LAMB4: variants seen among roughly 807,000 people sequenced by gnomAD.
LAMB4 encodes the protein laminin subunit beta-4.
Under a neutral mutation model 199.2 loss-of-function variants are expected in LAMB4, and 196 were observed. The ratio of observed to expected loss-of-function variants is 0.98; its 90% confidence interval spans 0.88 to 1.11. The LOEUF (loss-of-function observed/expected upper bound fraction) is 1.11, where lower values mean the gene tolerates loss of function less well. Among genes scored for constraint, LAMB4 ranks in the 50% least tolerant of loss-of-function variants. The pLI is 0.00. For missense variants in LAMB4, 2,080 were observed against 2,171.2 expected (o/e 0.96, Z 0.83); for synonymous variants, 744 against 770.6 (o/e 0.97, Z 0.57).
rs571849613 is a variant in LAMB4 at position 108,124,323 on chromosome 7, A to G, written c.-33-1126T>C. On this transcript the variant is annotated intron_variant, in intron 1 of 33. Transcript: ENST00000388781. ...CTATTGGTTGATGTGTACTTGGTTTATAATATTTTCCTATTATAAATATTT... is the reference window on the plus strand; with the variant it reads ...CTATTGGTTGATGTGTACTTGGTTTGTAATATTTTCCTATTATAAATATTT... Among the ~76,000 whole-genome samples the G allele has an allele frequency of 1.5e-4, 23 of 152,338 alleles. No individual in the cohort carries two copies. In the South Asian group the frequency reaches 2.5e-3, roughly 16 times the overall value.
At chr7:108,038,803 C>G (rs1251055859) in intron 29 of LAMB4, among the ~76,000 whole-genome samples, 1 of 152,204 alleles carries the variant, frequency 6.6e-6, no homozygotes, top group African/African-American at 2.4e-5. Flanking sequence ...CCATTTGTCA[C>G]TCTCCAGCTA....
intron 15 of LAMB4, among the ~76,000 whole-genome samples, chr7:108,079,292 C>T (rs2036833583): frequency 6.6e-6 from 1 of 152,112 alleles, no homozygotes; most frequent in Non-Finnish European, 1.5e-5. Context: ...AAGAAAAGTA[C>T]CAGGAGGGCA....
chr7:108,111,884 G>A lies in LAMB4; in HGVS notation c.255C>T (p.Asn85=). The A allele has an allele frequency of 6.2e-7, 1 of 1,612,278 alleles. No individual in the cohort carries two copies. Among genetic ancestry groups the A allele is most frequent in the Non-Finnish European group, 8.5e-7 (1 of 1,178,954 alleles). ...CAATGACATTCTCAATGGTGTGGCTGTTGGGTTGGTCATACGGATCATATG... is the reference window on the plus strand; with the variant it reads ...CAATGACATTCTCAATGGTGTGGCTATTGGGTTGGTCATACGGATCATATG... ...RFPYDPYDQP[N]SHTIENVIVS... is the part of the protein sequence containing the mutation. The change falls in exon 4 of 34, where the codon AAC becomes AAT. Residue 85 remains asparagine (N), a synonymous_variant. Coordinates refer to ENST00000388781, the MANE Select transcript of LAMB4 (RefSeq NM_007356.3).
chr7:108,116,236 A>AG, intron 2 of LAMB4, 75 bp from the exon 3 acceptor site: 1 of 1,371,862 alleles, frequency 7.3e-7, no homozygotes, highest in Non-Finnish European at 1.0e-6. Flanking sequence ...TGACTGGTTA[A>AG]GGGGGAAAGT....
In LAMB4 at chr7:108,107,759, C is replaced by T. The variant is rs748168711; in HGVS notation, c.463G>A (p.Val155Met). Residue 155 changes from valine to methionine, a missense_variant, in exon 6 of 34, where the codon GTG (valine) becomes ATG (methionine). Transcript: ENST00000388781. ...RSTDYGHNWK[V>M]FKYFAKDCAT... ...CAGTCTTTTGCAAAATATTTGAACA[C>T]TTTCCAGTTGTGTCCATAGTCTGTG... 3 of 1,613,802 alleles carry T rather than the reference C, an allele frequency of 1.9e-6. No individual in the cohort carries two copies. The highest frequency in any genetic ancestry group is 1.7e-6 in the Non-Finnish European group (2 of 1,179,958).
At chr7:108,084,042 C>T (rs2037066220) in intron 14 of LAMB4, among the ~76,000 whole-genome samples, 2 of 152,204 alleles carry the variant, frequency 1.3e-5, no homozygotes, top group African/African-American at 2.4e-5. Context: ...CACTGGGGCA[C>T]ATTTAGTGCT....
downstream of LAMB4, among the ~76,000 whole-genome samples, chr7:108,021,038 G>A (rs570320886): frequency 1.3e-3 from 204 of 152,256 alleles, no homozygotes; most frequent in Non-Finnish European, 2.2e-3. Context: ...CCCAGTGAAA[G>A]CCTCCTGAGT....
chr7:108,102,357 A>G (rs1041865768), intron 10 of LAMB4, among the ~76,000 whole-genome samples: 3 of 152,262 alleles, frequency 2.0e-5, no homozygotes, highest in African/African-American at 7.2e-5. Context: ...AAACATGTCA[A>G]CATATATTGT....
chr7:108,105,846 G>T lies in LAMB4; in HGVS notation c.841C>A (p.Arg281=), dbSNP rs751482652. The T allele has an allele frequency of 1.9e-6, 3 of 1,614,016 alleles. No homozygotes were observed. Among genetic ancestry groups the T allele is most frequent in the East Asian group, 2.2e-5 (1 of 44,894 alleles). ...CCAGGAGGGCTGAAAACATCTCCCCGCATCTTCTGCATAGGGCGACATTCG... is the reference window on the plus strand; with the variant it reads ...CCAGGAGGGCTGAAAACATCTCCCCTCATCTTCTGCATAGGGCGACATTCG... ...ASECRPMQKM[R]GDVFSPPGMV... Residue 281 remains arginine, a synonymous_variant, in exon 8 of 34, where the codon CGG becomes AGG. Transcript: ENST00000388781.
chr7:108,126,731 ATT>A (rs368918537), intron 1 of LAMB4, among the ~76,000 whole-genome samples: 17 of 137,436 alleles, frequency 1.2e-4, no homozygotes, highest in African/African-American at 3.0e-4. Context: ...CGCCCGACTA[ATT>A]TTTTTTTTGT....
chr7:108,063,295 C>G lies in LAMB4; in HGVS notation c.3062-301G>C, dbSNP rs113708117. Among the ~76,000 whole-genome samples, 1,219 of 152,180 alleles carry G rather than the reference C, an allele frequency of 8.0e-3. 16 individuals are homozygous for G. Among genetic ancestry groups the G allele is most frequent in the African/African-American group, 0.028 (1,160 of 41,516 alleles). ...ACCAAAGTTCCATTTATTTAAATGACTTGAAAACAATGGTTTACGTACACA... is the reference window on the plus strand; with the variant it reads ...ACCAAAGTTCCATTTATTTAAATGAGTTGAAAACAATGGTTTACGTACACA... On this transcript the variant is annotated intron_variant, in intron 22 of 33. Transcript: ENST00000388781.
intron 22 of LAMB4, among the ~76,000 whole-genome samples, chr7:108,063,553 A>G (rs1476244838): frequency 6.6e-6 from 1 of 152,234 alleles, no homozygotes; most frequent in Non-Finnish European, 1.5e-5. Flanking sequence ...AACACCAGTG[A>G]GAACATTGTG....
intron 25 of LAMB4, among the ~76,000 whole-genome samples, chr7:108,053,256 C>G (rs1377708794): frequency 6.6e-6 from 1 of 152,190 alleles, no homozygotes; most frequent in East Asian, 1.9e-4. Context: ...AGTTTAGTAG[C>G]TTGCCGAAAG....
At chr7:108,089,417 T>C (rs2037313990) in intron 14 of LAMB4, among the ~76,000 whole-genome samples, 1 of 152,358 alleles carries the variant, frequency 6.6e-6, no homozygotes, top group East Asian at 1.9e-4. Context: ...TGAATTGTTA[T>C]TTATAACTTG....
intron 2 of LAMB4, among the ~76,000 whole-genome samples, chr7:108,122,680 A>G (rs532791778): frequency 6.6e-6 from 1 of 152,296 alleles, no homozygotes; most frequent in South Asian, 2.1e-4. Context: ...ATTAATGTAA[A>G]TTGTTCTCAG....
intron 17 of LAMB4, among the ~76,000 whole-genome samples, chr7:108,076,590 G>A (rs970259044): frequency 6.6e-5 from 10 of 152,072 alleles, no homozygotes; most frequent in South Asian, 2.1e-4. Flanking sequence ...GTGTGCTGTC[G>A]TGGCTCAGGG....
intron 4 of LAMB4, among the ~76,000 whole-genome samples, chr7:108,110,689 G>T (rs1174535050): frequency 6.6e-6 from 1 of 152,150 alleles, no homozygotes. Context: ...TTTGTGAGGA[G>T]ATGTGGAACA....
Position 108,068,060 on chromosome 7 carries a change from C to T in LAMB4, c.2402G>A (p.Arg801Lys). Residue 801 changes from arginine (R) to lysine (K), a missense_variant, in exon 19 of 34, where the codon AGG (arginine) becomes AAG (lysine). Transcript: ENST00000388781. ...CAAATCATAGCTTCCAGTTGAGCAC[C>T]TGTCACAGCAGCGCCCGACCACAAG... ...KPLVVGRCCD[R>K]CSTGSYDLGH... 6.2e-7 allele frequency: 1 copy of T among 1,614,182 alleles called. No individual in the cohort carries two copies. Among genetic ancestry groups the T allele is most frequent in the Non-Finnish European group, 8.5e-7 (1 of 1,180,026 alleles).
chr7:108,015,749 T>C, the LAMB4 span, among the ~76,000 whole-genome samples: 2 of 52,166 alleles, frequency 3.8e-5, no homozygotes, highest in Admixed American at 4.1e-4. Flanking sequence ...TTTTGAAGAC[T>C]TTTTTTTTTT....
Sources: allele counts gnomAD v4.1 joint callset (sites outside exome capture counted in the v4.1 genomes callset), GRCh38; gene constraint gnomAD v4.1.1; transcripts MANE v1.5; gene names NCBI Gene and HGNC (gene_info 2026-07-23, HGNC 2026-07-21).